DSCAML1: variants seen among roughly 807,000 people sequenced by gnomAD.
The protein encoded by DSCAML1 is DS cell adhesion molecule like 1.
Under a neutral mutation model 200.5 loss-of-function variants are expected in DSCAML1, and 38 were observed. The ratio of observed to expected loss-of-function variants is 0.19; its 90% CI spans 0.15 to 0.25. The LOEUF is 0.25. Ranked by LOEUF, DSCAML1 falls within the 10% of genes least tolerant of loss-of-function variation. The probability of loss-of-function intolerance (pLI) is 1.00; values close to 1 mark genes in which losing one functional copy is unlikely to be tolerated. For missense variants in DSCAML1, 2,223 were observed against 2,858.8 expected (o/e 0.78, Z 5.07); for synonymous variants, 1,215 against 1,165.0 (o/e 1.04, Z -0.87).
intron 3 of DSCAML1, among the ~76,000 whole-genome samples, chr11:117,627,104 T>C (rs2052062893): frequency 6.6e-6 from 1 of 152,188 alleles, no homozygotes; most frequent in African/African-American, 2.4e-5. Context: ...AGATAATTAA[T>C]TTTCTAACTC....
chr11:117,514,047 T>C (rs563563704), intron 8 of DSCAML1, among the ~76,000 whole-genome samples: 1 of 152,320 alleles, frequency 6.6e-6, no homozygotes, highest in South Asian at 2.1e-4. Flanking sequence ...CCTCTTCCCA[T>C]ATGTCCCTCT....
Position 117,674,192 on chromosome 11 carries a change from A to G in DSCAML1, c.511+102599T>C, listed in dbSNP as rs148579082. On this transcript the variant is annotated intron_variant, in intron 3 of 32. Transcript: ENST00000651296. ...TTCATAAGAATGCTGGTTCTGTCCT[A>G]TTTTCTCATGACCTGAGCCCTGGTG... is the stretch of plus-strand genomic sequence containing the variant. Among the ~76,000 whole-genome samples, 675 of 152,130 alleles carry G rather than the reference A, an allele frequency of 4.4e-3. 1 individual carries two copies. The highest frequency in any genetic ancestry group is 7.7e-3 in the Non-Finnish European group (522 of 67,974).
chr11:117,510,846 A>T lies in DSCAML1; in HGVS notation c.1784-5114T>A, dbSNP rs536992723. Among the ~76,000 whole-genome samples, 4 of 152,196 alleles carry T rather than the reference A, an allele frequency of 2.6e-5. No homozygotes were observed. The South Asian group carries it at 8.3e-4, about 32-fold the overall frequency. On this transcript the variant is annotated intron_variant, in intron 8 of 32. Transcript: ENST00000651296. ...ACGGGAGTTTGCTTCCTCCTTTGTT[A>T]CTGGCTCCCTTGGCTGAGGAAGTAA...
intron 3 of DSCAML1, among the ~76,000 whole-genome samples, chr11:117,605,776 G>A (rs2051554887): frequency 6.6e-6 from 1 of 152,202 alleles, no homozygotes; most frequent in Non-Finnish European, 1.5e-5. Context: ...ACTCGCTGGA[G>A]CCAGGTGACC....
chr11:117,777,469 G>C (rs1380342511), intron 2 of DSCAML1, among the ~76,000 whole-genome samples: 2 of 152,044 alleles, frequency 1.3e-5, no homozygotes, highest in Non-Finnish European at 2.9e-5. Context: ...ATTGAGTTTT[G>C]GGCTCCTTCA....
intron 3 of DSCAML1, among the ~76,000 whole-genome samples, chr11:117,722,377 A>T (rs1480385857): frequency 6.6e-6 from 1 of 151,958 alleles, no homozygotes; most frequent in African/African-American, 2.4e-5. Context: ...GCTGGGAAAG[A>T]TAAGGGGGAG....
Position 117,505,324 on chromosome 11 carries a change from C to A in DSCAML1, c.2062+130G>T. 35 of 1,301,064 alleles carry A rather than the reference C, an allele frequency of 2.7e-5. No individual in the cohort carries two copies. In the South Asian group the frequency reaches 4.9e-4, roughly 18 times the overall value. The allele number at this position is 1,301,064 out of a possible 1,614,324, so 80.6% of individuals were successfully genotyped here. On this transcript the variant is annotated intron_variant, in intron 9 of 32. Transcript: ENST00000651296. The surrounding 1 kb of genome is among the most constrained non-coding windows in gnomAD (Gnocchi z 6.7). ...CCTGGAAAATAAGAGGTTTAGGCTC[C>A]AACAGGCCCTTCAAGATGCTGGAGC...
chr11:117,505,794 C>G lies in DSCAML1; in HGVS notation c.1784-62G>C. 2 of 1,544,438 alleles carry G rather than the reference C, an allele frequency of 1.3e-6. No individual in the cohort carries two copies. The highest frequency in any genetic ancestry group is 1.4e-5 in the African/African-American group (1 of 73,914). ...TGCATTCTCACCTGGCCGCCAACGC[C>G]GCCTCACCTGCCTTACCTGGGGCTC... On this transcript the variant is annotated intron_variant, in intron 8 of 32. Transcript: ENST00000651296. This position sits in a 1 kb window ranked among gnomAD's most constrained non-coding sequence, Gnocchi z 6.7.
intron 19 of DSCAML1, among the ~76,000 whole-genome samples, chr11:117,452,673 C>A (rs11216399): frequency 0.14 from 21,972 of 152,104 alleles, 2,384 homozygotes; most frequent in East Asian, 0.48. Flanking sequence ...TCTATCCTAT[C>A]CCCATTTTTC....
Position 117,430,777 on chromosome 11 carries a change from C to T in DSCAML1, c.5631G>A (p.Gln1877=). 6.2e-7 allele frequency: 1 copy of T among 1,614,122 alleles called. No homozygotes were observed. Residue 1877 remains glutamine, a synonymous_variant, in exon 32 of 33, where the codon CAG becomes CAA. Coordinates refer to ENST00000651296, the MANE Select transcript of DSCAML1 (RefSeq NM_020693.4). ...CCACGTTTTTGCCCCGGTCCGCATC[C>T]TGGGGCTTGGGTGGTGAGGCGGTAA... ...CRFTASPPKP[Q]DADRGKNVAV...
At chr11:117,776,746 C>G (rs73587457) in intron 3 of DSCAML1, 45 bp downstream of exon 3, 119,186 of 1,611,424 alleles carry the variant, frequency 0.074, 5,161 homozygotes, top group African/African-American at 0.18. Context: ...CCAGTCCCCA[C>G]AGAGGGAGCA....
chr11:117,797,724 C>T (rs2055611471), upstream of DSCAML1, among the ~76,000 whole-genome samples: 1 of 152,288 alleles, frequency 6.6e-6, no homozygotes, highest in African/African-American at 2.4e-5. Flanking sequence ...GCAAGCCTGC[C>T]CTCCGGAGAA....
At chr11:117,658,702 A>G (rs934906878) in intron 3 of DSCAML1, among the ~76,000 whole-genome samples, 1 of 152,220 alleles carries the variant, frequency 6.6e-6, no homozygotes, top group Non-Finnish European at 1.5e-5. Context: ...AGAGGCAATT[A>G]ACAGCTGGGA....
chr11:117,696,733 T>C (rs1419713625), intron 3 of DSCAML1, among the ~76,000 whole-genome samples: 1 of 152,086 alleles, frequency 6.6e-6, no homozygotes. Flanking sequence ...ATTTAATTGC[T>C]CTCCCTTCCA....
At chr11:117,571,779 G>A (rs1363444476) in intron 3 of DSCAML1, among the ~76,000 whole-genome samples, 2 of 152,182 alleles carry the variant, frequency 1.3e-5, no homozygotes, top group South Asian at 2.1e-4. Flanking sequence ...ATTCCCAGAC[G>A]GCTAAGGAAT....
chr11:117,471,763 A>AC, intron 15 of DSCAML1, 106 bp downstream of exon 15: 1 of 1,365,800 alleles, frequency 7.3e-7, no homozygotes, highest in South Asian at 1.4e-5. Flanking sequence ...TCCCCACGCC[A>AC]CCCCCTTTAA....
intron 3 of DSCAML1, among the ~76,000 whole-genome samples, chr11:117,761,219 C>G (rs76590644): frequency 6.6e-6 from 1 of 152,178 alleles, no homozygotes. Flanking sequence ...GACACCCAGC[C>G]CCCGGAGAAG....
chr11:117,681,693 A>G (rs1256908583), intron 3 of DSCAML1, among the ~76,000 whole-genome samples: 1 of 152,206 alleles, frequency 6.6e-6, no homozygotes, highest in Non-Finnish European at 1.5e-5. Flanking sequence ...CCACTTAAAA[A>G]GGAAACAGAA....
intron 3 of DSCAML1, among the ~76,000 whole-genome samples, chr11:117,764,140 C>A (rs1037696613): frequency 2.0e-5 from 3 of 152,168 alleles, no homozygotes; most frequent in African/African-American, 7.2e-5. Context: ...ACCCTTCTTA[C>A]CCCTAACAGG....
Sources: allele counts gnomAD v4.1 joint callset (sites outside exome capture counted in the v4.1 genomes callset), GRCh38; gene constraint gnomAD v4.1.1; non-coding constraint Gnocchi (gnomAD v3.1); transcripts MANE v1.5; gene names NCBI Gene and HGNC (gene_info 2026-07-23, HGNC 2026-07-21).